The following CCDC18 variants were observed in gnomAD, a reference collection of about 807,000 sequenced individuals.
The protein encoded by CCDC18 is coiled-coil domain-containing protein 18.
CCDC18 carries 157 observed loss-of-function variants against 196.0 expected under a neutral mutation model. The ratio of observed to expected loss-of-function variants is 0.80; its 90% CI spans 0.70 to 0.91. CCDC18 has a LOEUF of 0.91. Ranked by LOEUF, CCDC18 falls within the 40% of genes least tolerant of loss-of-function variation. The pLI is 0.00. For missense variants in CCDC18, 1,465 were observed against 1,611.6 expected, an observed-to-expected ratio of 0.91 and a Z score of 1.56; for synonymous variants, 482 against 529.2, an observed-to-expected ratio of 0.91 and a Z score of 1.22.
intron 18 of CCDC18, among the ~76,000 whole-genome samples, chr1:93,234,246 C>T (rs764314332): frequency 6.6e-6 from 1 of 152,086 alleles, no homozygotes. Flanking sequence ...ACTGCAACCT[C>T]TGTCTCCCAG....
Position 93,278,627 on chromosome 1 carries a change from C to A in CCDC18, c.*150C>A. 2.8e-6 allele frequency: 1 copy of A among 356,830 alleles called. No homozygotes were observed. Among genetic ancestry groups the A allele is most frequent in the African/African-American group, 2.1e-5 (1 of 47,076 alleles). 22.1% of individuals were successfully genotyped at this position (356,830 alleles called of 1,614,324 possible). A position where few individuals can be genotyped will look rare whatever the true frequency, so the allele number is the denominator to read the frequency against. ...ATTTTAAAAGAAAGCCCTTCTAAAACTTAATTATATTTTTAAAGAAAATTT... is the reference window on the plus strand; with the variant it reads ...ATTTTAAAAGAAAGCCCTTCTAAAAATTAATTATATTTTTAAAGAAAATTT... On this transcript the variant is annotated 3_prime_UTR_variant, in exon 29 of 29. Transcript: ENST00000690025.
intron 6 of CCDC18, 82 bp from the exon 7 acceptor site, chr1:93,201,810 T>C (rs1653884575): frequency 4.9e-6 from 4 of 821,202 alleles, no homozygotes; most frequent in African/African-American, 3.5e-5. Context: ...TTATTCCTTA[T>C]AATTAAAGAT....
chr1:93,205,905 G>A (rs896749220), intron 8 of CCDC18, among the ~76,000 whole-genome samples: 2 of 152,108 alleles, frequency 1.3e-5, no homozygotes, highest in Non-Finnish European at 2.9e-5. Flanking sequence ...TGTCCTTGAT[G>A]TATAACCACA....
intron 9 of CCDC18, among the ~76,000 whole-genome samples, chr1:93,208,989 A>G (rs1655182728): frequency 6.9e-6 from 1 of 143,984 alleles, no homozygotes; most frequent in East Asian, 2.1e-4. Context: ...ACGAAGTTTC[A>G]CTCTTGTTGC....
Position 93,214,775 on chromosome 1 carries a change from A to G in CCDC18, c.1528A>G (p.Met510Val), listed in dbSNP as rs762313847. 5.0e-6 allele frequency: 8 copies of G among 1,612,520 alleles called. No individual in the cohort carries two copies. Among genetic ancestry groups the G allele is most frequent in the Non-Finnish European group, 5.9e-6 (7 of 1,179,654 alleles). ...ESVKDQNQHT[M>V]NKQYEKERQR... Reference sequence around the variant, plus strand: ...CGTAAAAGATCAAAATCAACATACTATGAACAAGCAATATGAAAAAGAGAG... The same window carrying G: ...CGTAAAAGATCAAAATCAACATACTGTGAACAAGCAATATGAAAAAGAGAG... Residue 510 changes from methionine (M) to valine (V), a missense_variant, in exon 12 of 29, where the codon ATG (methionine) becomes GTG (valine). Physicochemically the swap from Met to Val is conservative, Grantham distance 21. Coordinates refer to ENST00000690025, the MANE Select transcript of CCDC18 (RefSeq NM_001378204.1).
chr1:93,234,155 CTT>C (rs66491830), intron 18 of CCDC18, among the ~76,000 whole-genome samples: 1 of 151,358 alleles, frequency 6.6e-6, no homozygotes, highest in African/African-American at 2.4e-5. Flanking sequence ...AACAAGTTCA[CTT>C]TTTTTTCTTT....
chr1:93,199,770 G>GCTA (rs1055747718), intron 6 of CCDC18: 1 of 152,384 alleles, frequency 6.6e-6, no homozygotes, highest in African/African-American at 2.4e-5. Context: ...CCTCTGAATG[G>GCTA]CTACCCCCAC....
At chr1:93,189,181 A>G (rs747692804) in intron 4 of CCDC18, among the ~76,000 whole-genome samples, 2 of 152,180 alleles carry the variant, frequency 1.3e-5, no homozygotes, top group Non-Finnish European at 2.9e-5. Flanking sequence ...CATGAGTTCA[A>G]TTGTTTTGAT....
intron 23 of CCDC18, among the ~76,000 whole-genome samples, chr1:93,251,949 CTTTG>C (rs1402491444): frequency 1.3e-5 from 2 of 151,582 alleles, no homozygotes; most frequent in Admixed American, 1.3e-4. Flanking sequence ...ATCCCATAAG[CTTTG>C]TTTATTCCTT....
intron 7 of CCDC18, among the ~76,000 whole-genome samples, chr1:93,205,164 A>C (rs1292773083): frequency 1.3e-5 from 2 of 152,104 alleles, no homozygotes; most frequent in Non-Finnish European, 2.9e-5. Flanking sequence ...TTTCGTTGGT[A>C]AATTTTGTGG....
intron 19 of CCDC18, among the ~76,000 whole-genome samples, chr1:93,237,510 C>CA (rs1420338831): frequency 6.6e-6 from 1 of 152,156 alleles, no homozygotes; most frequent in Non-Finnish European, 1.5e-5. Context: ...TCTCTGTATT[C>CA]ACTACTTTTT....
At chr1:93,260,619 C>G (rs528182672) in intron 26 of CCDC18, among the ~76,000 whole-genome samples, 6 of 150,866 alleles carry the variant, frequency 4.0e-5, no homozygotes, top group African/African-American at 1.5e-4. Context: ...TTTTATTATA[C>G]TTTCTTTTTT....
At chr1:93,227,638 C>T (rs1229167750) in intron 17 of CCDC18, among the ~76,000 whole-genome samples, 2 of 151,802 alleles carry the variant, frequency 1.3e-5, no homozygotes, top group African/African-American at 2.4e-5. Flanking sequence ...TTTTAGAAAT[C>T]GTTCCCAATG....
At chr1:93,192,972 G>A (rs1166157560) in intron 5 of CCDC18, among the ~76,000 whole-genome samples, 2 of 152,120 alleles carry the variant, frequency 1.3e-5, no homozygotes, top group Non-Finnish European at 2.9e-5. Context: ...CACTGAAGTT[G>A]TCTTTTATGT....
intron 5 of CCDC18, among the ~76,000 whole-genome samples, chr1:93,193,365 G>C (rs1264542911): frequency 6.6e-6 from 1 of 151,942 alleles, no homozygotes; most frequent in African/African-American, 2.4e-5. Context: ...GAATGCTTCT[G>C]GTATCTGACT....
intron 18 of CCDC18, among the ~76,000 whole-genome samples, chr1:93,233,964 C>T (rs1434570680): frequency 2.0e-5 from 3 of 152,036 alleles, no homozygotes; most frequent in Admixed American, 2.0e-4. Flanking sequence ...AGACCTACTG[C>T]TTGCTATGCC....
At chr1:93,236,428 A>C (rs757885137) in intron 19 of CCDC18, 38 bp downstream of exon 19, 44 of 1,560,096 alleles carry the variant, frequency 2.8e-5, no homozygotes, top group Non-Finnish European at 2.9e-5. Context: ...TTCCCACTTC[A>C]ATATCAGTGG....
In CCDC18 at chr1:93,258,876, T is replaced by A; in HGVS notation, c.3675T>A (p.Tyr1225Ter). The A allele has an allele frequency of 1.3e-6, 2 of 1,591,376 alleles. No individual in the cohort carries two copies. The highest frequency in any genetic ancestry group is 1.7e-6 in the Non-Finnish European group (2 of 1,171,260). ...AAGTAGAATCTCTCAAAGAAGCTTA[T>A]CATATGGAGGTAAAGAAAAATTTAA... is the stretch of plus-strand genomic sequence containing the variant. Reference protein sequence around the residue: ...SAEVESLKEAYHMEMISHQEN... With the variant: ...SAEVESLKEA The change falls in exon 26 of 29, where the codon TAT (tyrosine) becomes TAA (stop). Residue 1225 changes from tyrosine (Y) to a stop codon, truncating the protein, a stop_gained. Transcript: ENST00000690025. LOFTEE classifies it high-confidence loss of function.
Position 93,265,744 on chromosome 1 carries a change from C to G in CCDC18, c.3885+843C>G, listed in dbSNP as rs1413804752. 2.6e-5 allele frequency among the ~76,000 whole-genome samples: 4 copies of G among 152,308 alleles called. No homozygotes were observed. The East Asian group carries it at 7.7e-4, about 29-fold the overall frequency. On this transcript the variant is annotated intron_variant, in intron 27 of 28. Transcript: ENST00000690025. ...GGATCAATTCAACAAGAAGAGCTAACTGTCCTAAATATATATGCACCCAAT... is the reference window on the plus strand; with the variant it reads ...GGATCAATTCAACAAGAAGAGCTAAGTGTCCTAAATATATATGCACCCAAT...
Sources: gnomAD v4.1 joint callset for allele counts (sites outside exome capture counted in the v4.1 genomes callset) on GRCh38, gnomAD v4.1.1 for gene constraint, MANE v1.5 for transcripts, NCBI Gene and HGNC (gene_info 2026-07-23, HGNC 2026-07-21) for gene names.